The following KIAA1217 variants were observed in gnomAD, a reference collection of about 807,000 sequenced individuals.
KIAA1217 encodes sickle tail protein homolog.
A neutral mutation model predicts 163.9 loss-of-function variants in KIAA1217; 88 were observed. The observed-to-expected ratio is 0.54, with a 90% confidence interval of 0.45 to 0.64. The LOEUF is 0.64. KIAA1217 is among the 30% of genes least tolerant of loss of function. KIAA1217 has a pLI of 0.00. For synonymous variants in KIAA1217, 903 were observed against 923.1 expected (o/e 0.98, Z 0.39); for missense variants, 2,372 against 2,475.0 (o/e 0.96, Z 0.88).
intron 4 of KIAA1217, among the ~76,000 whole-genome samples, chr10:24,437,069 A>G (rs181588058): frequency 1.2e-3 from 188 of 152,318 alleles, no homozygotes; most frequent in African/African-American, 4.3e-3. Flanking sequence ...AAGTCATGAT[A>G]AACCAACCTC....
intron 2 of KIAA1217, among the ~76,000 whole-genome samples, chr10:24,181,928 A>G: frequency 6.6e-6 from 1 of 152,190 alleles, no homozygotes; most frequent in Non-Finnish European, 1.5e-5. Context: ...TTCAGGTGGA[A>G]CATGCCTGTT....
intron 3 of KIAA1217, among the ~76,000 whole-genome samples, chr10:24,429,403 G>GT (rs1463490147): frequency 6.6e-6 from 1 of 152,084 alleles, no homozygotes; most frequent in Non-Finnish European, 1.5e-5. Context: ...GGAAAACTCT[G>GT]TTTTTTCTGA....
intron 2 of KIAA1217, among the ~76,000 whole-genome samples, chr10:24,300,651 T>C (rs2041207063): frequency 6.6e-6 from 1 of 152,180 alleles, no homozygotes; most frequent in African/African-American, 2.4e-5. Flanking sequence ...CACTACAGCC[T>C]CCACCTCCTG....
chr10:24,173,764 G>C (rs897860878), intron 2 of KIAA1217, among the ~76,000 whole-genome samples: 1 of 152,170 alleles, frequency 6.6e-6, no homozygotes, highest in Non-Finnish European at 1.5e-5. Flanking sequence ...ATACTTAACA[G>C]TTATCAACTA....
chr10:23,998,096 CT>C (rs1202820908), intron 1 of KIAA1217, among the ~76,000 whole-genome samples: 1 of 151,798 alleles, frequency 6.6e-6, no homozygotes, highest in Non-Finnish European at 1.5e-5. Context: ...CCGTTTGGCT[CT>C]TTCTCCTTTG....
chr10:23,923,211 G>T (rs950201843), intron 1 of KIAA1217, among the ~76,000 whole-genome samples: 1 of 152,114 alleles, frequency 6.6e-6, no homozygotes, highest in African/African-American at 2.4e-5. Flanking sequence ...TTCCATTCCT[G>T]AGTTACTTCA....
intron 2 of KIAA1217, among the ~76,000 whole-genome samples, chr10:24,176,897 A>T (rs905577864): frequency 2.0e-5 from 3 of 152,080 alleles, no homozygotes; most frequent in Middle Eastern, 3.2e-3. Context: ...GCCTGGCAAG[A>T]ATTTGAACGC....
At chr10:24,461,689 C>T (rs1041711147) in intron 5 of KIAA1217, among the ~76,000 whole-genome samples, 8 of 152,166 alleles carry the variant, frequency 5.3e-5, no homozygotes, top group Admixed American at 5.2e-4. Flanking sequence ...ATCAACATCA[C>T]CTCATTGTGT....
chr10:24,161,236 A>T (rs1202390062), intron 2 of KIAA1217, among the ~76,000 whole-genome samples: 1 of 152,218 alleles, frequency 6.6e-6, no homozygotes, highest in African/African-American at 2.4e-5. Context: ...CTTCGCCATA[A>T]AATGTTAAGA....
chr10:23,990,363 T>A (rs2131435878), intron 1 of KIAA1217, among the ~76,000 whole-genome samples: 1 of 152,344 alleles, frequency 6.6e-6, no homozygotes, highest in Admixed American at 6.5e-5. Context: ...CCTTTTCTAC[T>A]TCTTTTCATG....
At position 23,979,001 on chromosome 10, in the gene KIAA1217, A is replaced by G. The variant is rs142972905; in HGVS notation, c.-320-28224A>G. 5.9e-5 allele frequency among the ~76,000 whole-genome samples: 9 copies of G among 152,236 alleles called. No homozygotes were observed. The East Asian group carries it at 1.7e-3, about 29-fold the overall frequency. On this transcript the variant is annotated intron_variant, in intron 1 of 18. Coordinates refer to the KIAA1217 transcript ENST00000376462. The stretch of plus-strand genomic sequence containing the variant: ...CTGGGAAGCAAAGTAAGCTGGGCAC[A>G]TGGGTGGTGAATGAGCCTCATGTTC...
intron 2 of KIAA1217, among the ~76,000 whole-genome samples, chr10:24,230,920 TA>T (rs2071319402): frequency 6.6e-6 from 1 of 152,202 alleles, no homozygotes; most frequent in Admixed American, 6.5e-5. Context: ...CACCAGTATT[TA>T]AATCCAGTTA....
At chr10:24,133,551 G>A (rs185682245) in intron 2 of KIAA1217, among the ~76,000 whole-genome samples, 5 of 148,584 alleles carry the variant, frequency 3.4e-5, no homozygotes, top group East Asian at 4.0e-4. Context: ...CAGCCTGGGC[G>A]ACAGAGCGAG....
At chr10:24,052,087 C>T (rs1849556854) in intron 2 of KIAA1217, among the ~76,000 whole-genome samples, 1 of 152,128 alleles carries the variant, frequency 6.6e-6, no homozygotes. Flanking sequence ...TGCTCTGCTA[C>T]CTGCACTCCT....
chr10:23,819,989 C>A lies in KIAA1217; in HGVS notation c.-321+124755C>A, dbSNP rs532545490. Among the ~76,000 whole-genome samples the A allele has an allele frequency of 3.9e-5, 6 of 152,286 alleles. No homozygotes were observed. In the East Asian group the frequency reaches 5.8e-4, roughly 15 times the overall value. Reference sequence around the variant, plus strand: ...TGATAGTGCCTATTTCTTTTTAAAACCACTAAAACTGATTCTGGGCCCTAG... The same window carrying A: ...TGATAGTGCCTATTTCTTTTTAAAAACACTAAAACTGATTCTGGGCCCTAG... On this transcript the variant is annotated intron_variant, in intron 1 of 18. Transcript: ENST00000376462.
At position 24,002,813 on chromosome 10, in the gene KIAA1217, C is replaced by T. The variant is rs186181290; in HGVS notation, c.-320-4412C>T. On this transcript the variant is annotated intron_variant, in intron 1 of 18. Transcript: ENST00000376462. ...CATCCCTCACCCCCCTCACACCCTT[C>T]CCCTTGAGTCCCCAAAGTTCATTAT... Among the ~76,000 whole-genome samples, 15 of 152,234 alleles carry T rather than the reference C, an allele frequency of 9.9e-5. No individual in the cohort carries two copies. The East Asian group carries it at 2.7e-3, about 28-fold the overall frequency.
chr10:23,902,845 G>A (rs886264786), intron 1 of KIAA1217, among the ~76,000 whole-genome samples: 5 of 152,120 alleles, frequency 3.3e-5, no homozygotes, highest in African/African-American at 4.8e-5. Context: ...TAAGGTCCAC[G>A]TGGCCCATAC....
At chr10:24,276,101 GTTAT>G (rs1353491926) in intron 2 of KIAA1217, among the ~76,000 whole-genome samples, 1 of 152,110 alleles carries the variant, frequency 6.6e-6, no homozygotes, top group African/African-American at 2.4e-5. Context: ...CAGTTTTGTC[GTTAT>G]TTAGTGAAAT....
intron 2 of KIAA1217, among the ~76,000 whole-genome samples, chr10:24,339,824 A>G (rs1187211706): frequency 6.6e-6 from 1 of 152,200 alleles, no homozygotes; most frequent in Non-Finnish European, 1.5e-5. Context: ...ATCTTTTACA[A>G]TGAAGAACTT....
Sources: gnomAD v4.1 joint callset for allele counts (sites outside exome capture counted in the v4.1 genomes callset) on GRCh38, gnomAD v4.1.1 for gene constraint, MANE v1.5 for transcripts, NCBI Gene and HGNC (gene_info 2026-07-23, HGNC 2026-07-21) for gene names.